The following BATF3 variants were observed in gnomAD, a reference collection of about 807,000 sequenced individuals.
BATF3 encodes the protein basic leucine zipper ATF-like transcription factor 3.
Under a neutral mutation model 16.1 loss-of-function variants are expected in BATF3, and 8 were observed. The ratio of observed to expected loss-of-function variants is 0.50; its 90% confidence interval spans 0.29 to 0.90. BATF3 has a LOEUF of 0.90. Ranked by LOEUF, BATF3 falls within the 40% of genes least tolerant of loss-of-function variation. The probability of loss-of-function intolerance (pLI) is 0.08; values close to 1 mark genes in which losing one functional copy is unlikely to be tolerated. For missense variants in BATF3, 139 were observed against 167.0 expected (o/e 0.83, Z 0.92); for synonymous variants, 74 against 72.7 (o/e 1.02, Z -0.09).
At chr1:212,693,217 CAGGGAAGGG>C in intron 2 of BATF3, among the ~76,000 whole-genome samples, 1 of 152,354 alleles carries the variant, frequency 6.6e-6, no homozygotes, top group East Asian at 1.9e-4. Flanking sequence ...CTGGAAGGAA[CAGGGAAGGG>C]ATTACTCACG....
At chr1:212,696,661 A>G (rs1657140223) in intron 2 of BATF3, among the ~76,000 whole-genome samples, 1 of 152,148 alleles carries the variant, frequency 6.6e-6, no homozygotes, top group Non-Finnish European at 1.5e-5. Flanking sequence ...ACAAAACAGG[A>G]AGTAAGGACG....
intron 2 of BATF3, among the ~76,000 whole-genome samples, chr1:212,696,423 G>GGTGTGTGTGTGTGT (rs139095900): frequency 4.7e-5 from 7 of 148,598 alleles, no homozygotes; most frequent in African/African-American, 1.7e-4. Context: ...GTTTCTGTAG[G>GGTGTGTGTGTGTGT]GTGTGTGTGT....
rs933864271 is a variant in BATF3 at position 212,699,091 on chromosome 1, GTGGCCAACC to G, written c.90+573_90+581del. ...GCAAAGTTTCCAGACGGCCGTCCCT[GTGGCCAACC>G]TGGTCTCCTTCCTGACTGCGCCGCT... On this transcript the variant is annotated intron_variant, in intron 1 of 2. Transcript: ENST00000243440. The surrounding 1 kb of genome is among the most constrained non-coding windows in gnomAD (Gnocchi z 4.4). Among the ~76,000 whole-genome samples, 9 of 152,260 alleles carry G rather than the reference GTGGCCAACC, an allele frequency of 5.9e-5. No individual in the cohort carries two copies. The highest frequency in any genetic ancestry group is 1.9e-4 in the African/African-American group (8 of 41,476).
chr1:212,689,850 C>T lies in BATF3; in HGVS notation c.196-2871G>A, dbSNP rs1656957538. On this transcript the variant is annotated intron_variant, in intron 2 of 2. Coordinates refer to ENST00000243440, the MANE Select transcript of BATF3 (RefSeq NM_018664.3). The surrounding 1 kb of genome is among the most constrained non-coding windows in gnomAD (Gnocchi z 4.6). ...ACACACACACACTCATACACAACCA[C>T]AGACACACACACAGATACACACAGT... 6.8e-6 allele frequency among the ~76,000 whole-genome samples: 1 copy of T among 146,550 alleles called. No individual in the cohort carries two copies. The highest frequency in any genetic ancestry group is 2.2e-4 in the South Asian group (1 of 4,472).
chr1:212,693,788 C>T (rs1025488030), intron 2 of BATF3, among the ~76,000 whole-genome samples: 9 of 152,200 alleles, frequency 5.9e-5, no homozygotes, highest in Non-Finnish European at 7.3e-5. Context: ...AGAGAGCCAA[C>T]GCTTCATACA....
rs1293804121 is a variant in BATF3, at chr1:212,689,756, TAC to T, written c.196-2779_196-2778del. Among the ~76,000 whole-genome samples, 2 of 149,856 alleles carry T rather than the reference TAC, an allele frequency of 1.3e-5. No individual in the cohort carries two copies. Among genetic ancestry groups the T allele is most frequent in the South Asian group, 2.1e-4 (1 of 4,740 alleles). On this transcript the variant is annotated intron_variant, in intron 2 of 2. Coordinates refer to ENST00000243440, the MANE Select transcript of BATF3 (RefSeq NM_018664.3). The surrounding 1 kb of genome is among the most constrained non-coding windows in gnomAD (Gnocchi z 4.6). ...ACACACTCTTACACACATACACATA[TAC>T]ACACACTCACACACGTCCGCAAACA...
At chr1:212,687,967 A>AAAAGAAAG (rs796615441) in intron 2 of BATF3, among the ~76,000 whole-genome samples, 36 of 99,714 alleles carry the variant, frequency 3.6e-4, no homozygotes, top group East Asian at 1.1e-3. Flanking sequence ...GAAAGAAAAA[A>AAAAGAAAG]AAAGAAAGAA....
At chr1:212,695,083 C>T (rs1657092930) in intron 2 of BATF3, among the ~76,000 whole-genome samples, 1 of 152,196 alleles carries the variant, frequency 6.6e-6, no homozygotes, top group South Asian at 2.1e-4. Context: ...TGGCAGGAGA[C>T]CTGGCACAAT....
rs898280308 is a variant in BATF3, at chr1:212,686,658, C to T, written c.*133G>A. On this transcript the variant is annotated 3_prime_UTR_variant, in exon 3 of 3. Transcript: ENST00000243440. ...TGAGCCCAGTCTGCAGGGAACACAG[C>T]TGGCTGGTCCTGGAGCTCCCAGGAG... is the stretch of plus-strand genomic sequence containing the variant. The T allele has an allele frequency of 1.5e-4, 208 of 1,401,112 alleles. 2 individuals are homozygous for T. The South Asian group carries it at 2.6e-3, about 18-fold the overall frequency. The allele number at this position is 1,401,112 out of a possible 1,614,324, so 86.8% of individuals were successfully genotyped here. A position where few individuals can be genotyped will look rare whatever the true frequency, so the allele number is the denominator to read the frequency against.
chr1:212,693,793 C>T (rs981281436), intron 2 of BATF3, among the ~76,000 whole-genome samples: 2 of 152,200 alleles, frequency 1.3e-5, no homozygotes, highest in African/African-American at 4.8e-5. Context: ...GCCAACGCTT[C>T]ATACAGGTAC....
chr1:212,698,289 CT>C (rs1264726321), intron 1 of BATF3: 4 of 152,222 alleles, frequency 2.6e-5, no homozygotes, highest in African/African-American at 4.8e-5. Flanking sequence ...AGTTTTGTCT[CT>C]TAGTGTCAAC....
Position 212,699,716 on chromosome 1 carries a change from A to G in BATF3, c.47T>C (p.Val16Ala). Residue 16 changes from valine to alanine, a missense_variant, in exon 1 of 3, where the codon GTC becomes GCC. Transcript: ENST00000243440. The surrounding 1 kb of genome is among the most constrained non-coding windows in gnomAD (Gnocchi z 4.4). ...CTGCGGCTGGTTCCCGGGCGCCGCG[A>G]CGCTCCTCTGCAGGACGCTGCCGGC... ...PAAGSVLQRS[V>A]AAPGNQPQPQ... 7.4e-7 allele frequency: 1 copy of G among 1,347,084 alleles called. No homozygotes were observed. The highest frequency in any genetic ancestry group is 9.6e-7 in the Non-Finnish European group (1 of 1,044,490). The allele number at this position is 1,347,084 out of a possible 1,614,324, so 83.4% of individuals were successfully genotyped here.
At chr1:212,697,247 T>C (rs1162443886) in intron 1 of BATF3, 182 bp from the exon 2 acceptor site, 2 of 565,598 alleles carry the variant, frequency 3.5e-6, no homozygotes, top group East Asian at 5.9e-5. Context: ...ACCATGTGAG[T>C]GTGTGAAGTG....
intron 1 of BATF3, chr1:212,698,565 T>C (rs972262067): frequency 1.3e-5 from 2 of 151,934 alleles, no homozygotes; most frequent in African/African-American, 4.8e-5. Context: ...CTCAAGAAGT[T>C]ACCTGCCTTT....
Position 212,699,232 on chromosome 1 carries a change from G to A in BATF3, c.90+441C>T, listed in dbSNP as rs111900671. On this transcript the variant is annotated intron_variant, in intron 1 of 2. Coordinates refer to ENST00000243440, the MANE Select transcript of BATF3 (RefSeq NM_018664.3). This position sits in a 1 kb window ranked among gnomAD's most constrained non-coding sequence, Gnocchi z 4.4. ...TCCCTCCGCCCAGGCTGACTAGTCC[G>A]GCGTTCTCCATTCCCGCGGCAGCAC... 0.028 allele frequency among the ~76,000 whole-genome samples: 4,291 copies of A among 151,856 alleles called. 74 individuals carry two copies. The highest frequency in any genetic ancestry group is 0.04 in the Non-Finnish European group (2,688 of 67,888).
chr1:212,699,341 C>T lies in BATF3; in HGVS notation c.90+332G>A, dbSNP rs1489864263. Among the ~76,000 whole-genome samples, 1 of 152,076 alleles carries T rather than the reference C, an allele frequency of 6.6e-6. No homozygotes were observed. The highest frequency in any genetic ancestry group is 6.5e-5 in the Admixed American group (1 of 15,286). Reference sequence around the variant, plus strand: ...GCTGGCTGCGCCAGGATGGGGCGGCCCTCAGGGCAGTGCGGAGCCCACGTG... The same window carrying T: ...GCTGGCTGCGCCAGGATGGGGCGGCTCTCAGGGCAGTGCGGAGCCCACGTG... On this transcript the variant is annotated intron_variant, in intron 1 of 2. Transcript: ENST00000243440. This position sits in a 1 kb window ranked among gnomAD's most constrained non-coding sequence, Gnocchi z 4.4.
chr1:212,694,918 A>G (rs1657089123), intron 2 of BATF3, among the ~76,000 whole-genome samples: 1 of 152,226 alleles, frequency 6.6e-6, no homozygotes, highest in African/African-American at 2.4e-5. Context: ...GTGAATTTAT[A>G]TCGGAAGGTC....
intron 2 of BATF3, among the ~76,000 whole-genome samples, chr1:212,693,531 A>T (rs532868093): frequency 3.3e-5 from 5 of 151,940 alleles, no homozygotes; most frequent in Admixed American, 6.6e-5. Context: ...GAGAGAGAGG[A>T]GAAGGGGGTG....
intron 2 of BATF3, among the ~76,000 whole-genome samples, chr1:212,692,975 C>T (rs1657036952): frequency 6.6e-6 from 1 of 152,174 alleles, no homozygotes; most frequent in Non-Finnish European, 1.5e-5. Flanking sequence ...GCTGGCCTCA[C>T]TCCAGATTTG....
Sources: allele counts gnomAD v4.1 joint callset (sites outside exome capture counted in the v4.1 genomes callset), GRCh38; gene constraint gnomAD v4.1.1; non-coding constraint Gnocchi (gnomAD v3.1); transcripts MANE v1.5; gene names NCBI Gene and HGNC (gene_info 2026-07-23, HGNC 2026-07-21).